Variants in SYNE1 observed in about 807,000 individuals in gnomAD.
The protein encoded by SYNE1 is spectrin repeat containing nuclear envelope protein 1.
A neutral mutation model predicts 1,111.0 loss-of-function variants in SYNE1; 616 were observed. The ratio of observed to expected loss-of-function variants is 0.55; its 90% CI spans 0.52 to 0.59. The LOEUF is 0.59. Ranked by LOEUF, SYNE1 falls within the 20% of genes least tolerant of loss-of-function variation. SYNE1 has a pLI of 0.00. For missense variants in SYNE1, 10,006 were observed against 10,417.0 expected (o/e 0.96, Z 1.72); for synonymous variants, 3,855 against 3,825.8 (o/e 1.01, Z -0.28).
At chr6:152,611,940 T>C (rs1048510585) in intron 3 of SYNE1, among the ~76,000 whole-genome samples, 3 of 151,806 alleles carry the variant, frequency 2.0e-5, no homozygotes, top group Non-Finnish European at 2.9e-5. Flanking sequence ...AGATGTTCTT[T>C]GAAATCAATG....
intron 9 of SYNE1, among the ~76,000 whole-genome samples, chr6:152,504,012 AG>A (rs1362412421): frequency 6.6e-6 from 1 of 152,162 alleles, no homozygotes; most frequent in East Asian, 1.9e-4. Context: ...TCTTATATCT[AG>A]GATAGCCTTG....
chr6:152,218,976 A>G, intron 120 of SYNE1, 27 bp downstream of exon 120: 2 of 1,610,130 alleles, frequency 1.2e-6, no homozygotes, highest in Middle Eastern at 1.7e-4. Flanking sequence ...GCCAATATAC[A>G]GAAGATACTA....
chr6:152,424,591 GC>G (rs2098323208), intron 39 of SYNE1, among the ~76,000 whole-genome samples: 1 of 151,932 alleles, frequency 6.6e-6, no homozygotes, highest in African/African-American at 2.4e-5. Context: ...CATTTTTATG[GC>G]TTTTGGTGTC....
chr6:152,494,329 G>A (rs959008374), intron 11 of SYNE1, among the ~76,000 whole-genome samples: 3 of 152,030 alleles, frequency 2.0e-5, no homozygotes, highest in Non-Finnish European at 2.9e-5. Flanking sequence ...ACTTCAATCT[G>A]GCCTCCCACA....
chr6:152,451,781 A>C (rs575605860), intron 25 of SYNE1, among the ~76,000 whole-genome samples: 1 of 152,034 alleles, frequency 6.6e-6, no homozygotes, highest in Non-Finnish European at 1.5e-5. Flanking sequence ...AAGTCTGGCC[A>C]GTGCTGCACA....
intron 87 of SYNE1, among the ~76,000 whole-genome samples, chr6:152,313,129 A>C (rs1410230949): frequency 6.6e-6 from 1 of 152,226 alleles, no homozygotes; most frequent in Non-Finnish European, 1.5e-5. Flanking sequence ...CTGTGACAAA[A>C]GATTGTTGAT....
At position 152,338,411 on chromosome 6, in the gene SYNE1, C is replaced by G. The variant is rs558328859; in HGVS notation, c.12351+830G>C. 9.2e-5 allele frequency among the ~76,000 whole-genome samples: 14 copies of G among 152,092 alleles called. No homozygotes were observed. In the Middle Eastern group the frequency reaches 0.02, roughly 222 times the overall value. The stretch of plus-strand genomic sequence containing the variant: ...CCAAGGAGGGAGGATTGCTTGAGCC[C>G]AGGAGTTCGAGACCAGCCTGGGAAA... On this transcript the variant is annotated intron_variant, in intron 75 of 145. Coordinates refer to ENST00000367255, the MANE Select transcript of SYNE1 (RefSeq NM_182961.4).
chr6:152,156,114 C>T lies in SYNE1; in HGVS notation c.23791-17G>A, dbSNP rs748038274. 3 of 1,614,046 alleles carry T rather than the reference C, an allele frequency of 1.9e-6. No homozygotes were observed. The Admixed American group carries it at 5.0e-5, about 27-fold the overall frequency. The stretch of plus-strand genomic sequence containing the variant: ...CTGAAGCTCCTGCAGGGGAACGTAA[C>T]AGGCTTTATTCAACAATTACATGTA... On this transcript the variant is annotated splice_polypyrimidine_tract_variant and intron_variant, in intron 131 of 145. Transcript: ENST00000367255.
chr6:152,331,565 T>C lies in SYNE1; in HGVS notation c.13120A>G (p.Ser4374Gly). 1 of 1,614,174 alleles carries C rather than the reference T, an allele frequency of 6.2e-7. No individual in the cohort carries two copies. Residue 4374 changes from serine (S) to glycine (G), a missense_variant, in exon 78 of 146, where the codon AGC (serine) becomes GGC (glycine). Ser to Gly is a moderately conservative substitution (Grantham distance 56). Around this residue, in one of 7 missense-constraint regions of SYNE1, gnomAD observed 4,955 missense variants for 5,017.2 expected, o/e 0.99. Coordinates refer to ENST00000367255, the MANE Select transcript of SYNE1 (RefSeq NM_182961.4). ...TTCTGAGCCATATCTGGAGGAGGGC[T>C]CTGCTTAAGGGCCTCGGCGATGTTG... ...QPNIAEALKQ[S>G]PPPDMAQNLL...
In SYNE1 at chr6:152,140,071, T is replaced by A; in HGVS notation, c.25337A>T (p.Asn8446Ile). 6.2e-7 allele frequency: 1 copy of A among 1,614,200 alleles called. No individual in the cohort carries two copies. ...KQNLQKWQQFNSDLNSIWAWL... is the reference protein window; with the variant it reads ...KQNLQKWQQFISDLNSIWAWL... Reference sequence around the variant, plus strand: ...GGCCCAGATGCTGTTCAAGTCTGAGTTAAACTGCTGCCACTTCTGGAGGTT... The same window carrying A: ...GGCCCAGATGCTGTTCAAGTCTGAGATAAACTGCTGCCACTTCTGGAGGTT... The change falls in exon 140 of 146, where the codon AAC becomes ATC. Residue 8446 changes from asparagine to isoleucine, a missense_variant. Asn to Ile is a moderately radical substitution (Grantham distance 149). Around this residue, in one of 7 missense-constraint regions of SYNE1, gnomAD observed 761 missense variants for 795.5 expected, o/e 0.96. Transcript: ENST00000367255.
chr6:152,400,689 C>T lies in SYNE1; in HGVS notation c.7029+449G>A, dbSNP rs556609065. 6.9e-4 allele frequency among the ~76,000 whole-genome samples: 105 copies of T among 151,964 alleles called. 1 individual carries two copies. The highest frequency in any genetic ancestry group is 2.3e-3 in the African/African-American group (94 of 41,456). ...AAAATAAAAATAAAAAAATAGAAAACATGGAAATAGAATGTTTTCTCAACT... is the reference window on the plus strand; with the variant it reads ...AAAATAAAAATAAAAAAATAGAAAATATGGAAATAGAATGTTTTCTCAACT... On this transcript the variant is annotated intron_variant, in intron 47 of 145. Coordinates refer to ENST00000367255, the MANE Select transcript of SYNE1 (RefSeq NM_182961.4).
chr6:152,168,047 C>G (rs777279897), intron 130 of SYNE1: 1 of 780,780 alleles, frequency 1.3e-6, no homozygotes, highest in South Asian at 1.3e-5. Flanking sequence ...CTTCCAGCGT[C>G]TATCCTACAA....
At chr6:152,136,236 C>T (rs2057045520) in intron 141 of SYNE1, among the ~76,000 whole-genome samples, 1 of 152,138 alleles carries the variant, frequency 6.6e-6, no homozygotes, top group Non-Finnish European at 1.5e-5. Flanking sequence ...CAAGTAATTA[C>T]AGTATGAATG....
intron 18 of SYNE1, among the ~76,000 whole-genome samples, chr6:152,463,817 A>T (rs1347836714): frequency 6.6e-6 from 1 of 152,192 alleles, no homozygotes; most frequent in Non-Finnish European, 1.5e-5. Flanking sequence ...CTGTAAGTGT[A>T]AGAGACCTGT....
chr6:152,313,390 C>T (rs2095610230), intron 87 of SYNE1, among the ~76,000 whole-genome samples: 1 of 151,216 alleles, frequency 6.6e-6, no homozygotes, highest in South Asian at 2.1e-4. Flanking sequence ...TACCCAGCCC[C>T]TATTCAGGCC....
chr6:152,598,363 C>T (rs527664773), intron 3 of SYNE1, among the ~76,000 whole-genome samples: 26 of 152,282 alleles, frequency 1.7e-4, no homozygotes, highest in Non-Finnish European at 3.1e-4. Context: ...TCCCCAGCCA[C>T]GTGGAACTGT....
rs745441407 is a variant in SYNE1, at chr6:152,399,657, G to C, written c.7196C>G (p.Thr2399Ser). 7 of 1,613,998 alleles carry C rather than the reference G, an allele frequency of 4.3e-6. No homozygotes were observed. Among genetic ancestry groups the C allele is most frequent in the Non-Finnish European group, 5.9e-6 (7 of 1,180,020 alleles). Residue 2399 changes from threonine (T) to serine (S), a missense_variant, in exon 48 of 146, where the codon ACC (threonine) becomes AGC (serine). Physicochemically the swap from Thr to Ser is moderately conservative, Grantham distance 58 (BLOSUM62 1). Transcript: ENST00000367255. ...CAGAGATTCCTGCAGGCTGGCCTGG[G>C]TTTTGGAGCACAACTGGCTCACGGC... is the stretch of plus-strand genomic sequence containing the variant. Reference protein sequence around the residue: ...HEAVSQLCSKTQASLQESLEK... With the variant: ...HEAVSQLCSKSQASLQESLEK...
intron 3 of SYNE1, among the ~76,000 whole-genome samples, chr6:152,599,255 A>G (rs1187479779): frequency 1.3e-5 from 2 of 152,164 alleles, no homozygotes; most frequent in Admixed American, 6.5e-5. Flanking sequence ...GGAAAACATC[A>G]CTGCAGGCTG....
At chr6:152,285,140 G>A (rs754465153) in intron 95 of SYNE1, among the ~76,000 whole-genome samples, 2 of 151,948 alleles carry the variant, frequency 1.3e-5, no homozygotes, top group Admixed American at 6.6e-5. Flanking sequence ...CTGCTTCCCC[G>A]CCTGTCTTCC....
Sources: gnomAD v4.1 joint callset for allele counts (sites outside exome capture counted in the v4.1 genomes callset) on GRCh38, gnomAD v4.1.1 for gene constraint, gnomAD v4.1.1 regional missense constraint, MANE v1.5 for transcripts, NCBI Gene and HGNC (gene_info 2026-07-23, HGNC 2026-07-21) for gene names.